RFTN1: variants seen among roughly 807,000 people sequenced by gnomAD.
The protein encoded by RFTN1 is raftlin.
A neutral mutation model predicts 46.5 loss-of-function variants in RFTN1; 26 were observed. That is an observed-to-expected ratio of 0.56 (90% CI 0.41 to 0.78). The LOEUF (loss-of-function observed/expected upper bound fraction) is 0.78, where lower values mean the gene tolerates loss of function less well. Among genes scored for constraint, RFTN1 ranks in the 30% least tolerant of loss-of-function variants. RFTN1 has a pLI of 0.00. For missense variants in RFTN1, 693 were observed against 718.7 expected (o/e 0.96, Z 0.41); for synonymous variants, 261 against 284.2 (o/e 0.92, Z 0.82).
Position 16,370,353 on chromosome 3 carries a change from T to A in RFTN1, c.827-74A>T. On this transcript the variant is annotated intron_variant, in intron 5 of 9. Transcript: ENST00000334133. This position sits in a 1 kb window ranked among gnomAD's most constrained non-coding sequence, Gnocchi z 5.5. ...TAAAAATCTGTTTCATCGGCTTAAG[T>A]GGAATCTCTCAGGAGCCTGAATAAA... The A allele has an allele frequency of 7.2e-7, 1 of 1,389,624 alleles. No individual in the cohort carries two copies. The allele number at this position is 1,389,624 out of a possible 1,614,324, so 86.1% of individuals were successfully genotyped here. A position where few individuals can be genotyped will look rare whatever the true frequency, so the allele number is the denominator to read the frequency against.
chr3:16,403,823 ATTT>A (rs372393944), intron 4 of RFTN1, among the ~76,000 whole-genome samples: 202 of 6,594 alleles, frequency 0.031, 20 homozygotes, highest in Non-Finnish European at 0.032. Flanking sequence ...TTTATATTAT[ATTT>A]ATATATAAAT....
At position 16,475,068 on chromosome 3, in the gene RFTN1, G is replaced by A. The variant is rs190558173; in HGVS notation, c.145+18657C>T. On this transcript the variant is annotated intron_variant, in intron 2 of 9. Transcript: ENST00000334133. This position sits in a 1 kb window ranked among gnomAD's most constrained non-coding sequence, Gnocchi z 4.2. The stretch of plus-strand genomic sequence containing the variant: ...CCTTCGAGGTAATGAGTGAGTTCAC[G>A]TGAGAACTGGTTGTTTAAAAGAGCA... 2.7e-4 allele frequency among the ~76,000 whole-genome samples: 41 copies of A among 152,288 alleles called. No individual in the cohort carries two copies. Among genetic ancestry groups the A allele is most frequent in the Admixed American group, 4.6e-4 (7 of 15,306 alleles).
intron 7 of RFTN1, among the ~76,000 whole-genome samples, chr3:16,340,448 A>G (rs941899747): frequency 1.3e-5 from 2 of 152,238 alleles, no homozygotes; most frequent in African/African-American, 4.8e-5. Flanking sequence ...ACCAGCTGAC[A>G]TATGAGAGAG....
rs1405633827 is a variant in RFTN1 at position 16,321,567 on chromosome 3, C to T, written c.1332+1809G>A. On this transcript the variant is annotated intron_variant, in intron 9 of 9. Coordinates refer to ENST00000334133, the MANE Select transcript of RFTN1 (RefSeq NM_015150.2). This position sits in a 1 kb window ranked among gnomAD's most constrained non-coding sequence, Gnocchi z 4.8. ...GGGACACCCAGTGCAGAAGATTCTT[C>T]CAAGGAGTCTGGCTGTGAAGCCCCC... Among the ~76,000 whole-genome samples the T allele has an allele frequency of 2.0e-5, 3 of 152,158 alleles. No individual in the cohort carries two copies.
chr3:16,462,867 A>C (rs2076029421), intron 2 of RFTN1, among the ~76,000 whole-genome samples: 1 of 152,258 alleles, frequency 6.6e-6, no homozygotes, highest in Non-Finnish European at 1.5e-5. Flanking sequence ...AAAGCCAAAG[A>C]TAAAGGTGCC....
chr3:16,332,643 C>G (rs1406330782), intron 7 of RFTN1, among the ~76,000 whole-genome samples: 1 of 152,162 alleles, frequency 6.6e-6, no homozygotes, highest in Non-Finnish European at 1.5e-5. Context: ...GTGATTTATG[C>G]TTTGAAAACC....
rs2076093425 is a variant in RFTN1, at chr3:16,466,438, C to T, written c.145+27287G>A. On this transcript the variant is annotated intron_variant, in intron 2 of 9. Transcript: ENST00000334133. This position sits in a 1 kb window ranked among gnomAD's most constrained non-coding sequence, Gnocchi z 5.6. The stretch of plus-strand genomic sequence containing the variant: ...CGAAGTATGAAGTGACCTCCAACAT[C>T]ATATACTCCAAATTCCTCAACTGGT... 6.6e-6 allele frequency among the ~76,000 whole-genome samples: 1 copy of T among 152,188 alleles called. No individual in the cohort carries two copies. Among genetic ancestry groups the T allele is most frequent in the Non-Finnish European group, 1.5e-5 (1 of 68,030 alleles).
rs114261824 is a variant in RFTN1 at position 16,322,270 on chromosome 3, C to T, written c.1332+1106G>A. On this transcript the variant is annotated intron_variant, in intron 9 of 9. Transcript: ENST00000334133. The surrounding 1 kb of genome is among the most constrained non-coding windows in gnomAD (Gnocchi z 6.2). ...GAGCCTGGAGAAAGACCTTCCTCCA[C>T]ACTCCAGCCCATCTGGCTTCAAGTC... 7.0e-4 allele frequency among the ~76,000 whole-genome samples: 107 copies of T among 152,360 alleles called. 1 individual carries two copies. The highest frequency in any genetic ancestry group is 1.2e-3 in the Non-Finnish European group (80 of 68,038).
chr3:16,488,556 T>C (rs2076489987), intron 2 of RFTN1, among the ~76,000 whole-genome samples: 2 of 152,230 alleles, frequency 1.3e-5, no homozygotes, highest in South Asian at 4.1e-4. Flanking sequence ...AAATCTGCTA[T>C]GGTTAAAACC....
At chr3:16,394,660 A>G (rs957401277) in intron 4 of RFTN1, among the ~76,000 whole-genome samples, 24 of 152,330 alleles carry the variant, frequency 1.6e-4, no homozygotes, top group Non-Finnish European at 3.2e-4. Context: ...ATTTTGTGCT[A>G]ACTCATTGAG....
rs1422137438 is a variant in RFTN1, at chr3:16,506,224, G to A, written c.-9+7218C>T. On this transcript the variant is annotated intron_variant, in intron 1 of 9. Transcript: ENST00000334133. This position sits in a 1 kb window ranked among gnomAD's most constrained non-coding sequence, Gnocchi z 4.8. ...GGCCACAGAGCGAGCCATGGGATAAGGGGGAGGGTGGGCTAGGCAAGGCAG... is the reference window on the plus strand; with the variant it reads ...GGCCACAGAGCGAGCCATGGGATAAAGGGGAGGGTGGGCTAGGCAAGGCAG... Among the ~76,000 whole-genome samples the A allele has an allele frequency of 6.6e-6, 1 of 152,142 alleles. No homozygotes were observed. Among genetic ancestry groups the A allele is most frequent in the African/African-American group, 2.4e-5 (1 of 41,422 alleles).
intron 2 of RFTN1, among the ~76,000 whole-genome samples, chr3:16,445,481 T>TCGCACACA (rs752631378): frequency 1.8e-5 from 1 of 54,960 alleles, no homozygotes; most frequent in African/African-American, 7.3e-5. Context: ...TCTCTCTCTC[T>TCGCACACA]CTCACACACA....
chr3:16,437,244 GC>G, intron 2 of RFTN1, among the ~76,000 whole-genome samples: 1 of 152,258 alleles, frequency 6.6e-6, no homozygotes, highest in Middle Eastern at 3.4e-3. Context: ...AACAGGCATG[GC>G]CCTCATCGTG....
At chr3:16,379,708 AC>A (rs1275358146) in intron 4 of RFTN1, among the ~76,000 whole-genome samples, 10 of 152,232 alleles carry the variant, frequency 6.6e-5, no homozygotes, top group Non-Finnish European at 1.3e-4. Context: ...GTTAAAAAAA[AC>A]AAAAGACAAA....
At chr3:16,350,333 T>G (rs1019853512) in intron 7 of RFTN1, 5 of 145,530 alleles carry the variant, frequency 3.4e-5, no homozygotes, top group African/African-American at 1.2e-4. Context: ...TGCCTTCTTG[T>G]GAACACATGC....
At chr3:16,436,875 T>C (rs2075526964) in intron 2 of RFTN1, among the ~76,000 whole-genome samples, 1 of 152,254 alleles carries the variant, frequency 6.6e-6, no homozygotes, top group African/African-American at 2.4e-5. Flanking sequence ...ATATTCCTGT[T>C]TATATTTTGA....
At chr3:16,409,842 G>A (rs148217435) in intron 3 of RFTN1, among the ~76,000 whole-genome samples, 3,524 of 151,974 alleles carry the variant, frequency 0.023, 145 homozygotes, top group African/African-American at 0.08. Flanking sequence ...CCGCCACTGC[G>A]CCCAGCTAAT....
Position 16,422,949 on chromosome 3 carries a change from G to A in RFTN1, c.332+10902C>T, listed in dbSNP as rs1011231421. ...TGGGAGGCCGAAGTGGGTGGATCAT[G>A]AGGTCAGGAGATCGAGACCATCCTG... On this transcript the variant is annotated intron_variant, in intron 3 of 9. Coordinates refer to ENST00000334133, the MANE Select transcript of RFTN1 (RefSeq NM_015150.2). The surrounding 1 kb of genome is among the most constrained non-coding windows in gnomAD (Gnocchi z 4.6). Among the ~76,000 whole-genome samples the A allele has an allele frequency of 1.3e-5, 2 of 152,086 alleles. No homozygotes were observed. Among genetic ancestry groups the A allele is most frequent in the African/African-American group, 4.8e-5 (2 of 41,408 alleles).
At chr3:16,398,510 T>A (rs1457646572) in intron 4 of RFTN1, among the ~76,000 whole-genome samples, 1 of 152,160 alleles carries the variant, frequency 6.6e-6, no homozygotes, top group African/African-American at 2.4e-5. Context: ...GGCCAGAAGC[T>A]GTGGGCTGCC....
Sources: gnomAD v4.1 joint callset for allele counts (sites outside exome capture counted in the v4.1 genomes callset) on GRCh38, gnomAD v4.1.1 for gene constraint, Gnocchi (gnomAD v3.1) non-coding constraint, MANE v1.5 for transcripts, NCBI Gene and HGNC (gene_info 2026-07-23, HGNC 2026-07-21) for gene names.